The following DHDDS variants were observed in gnomAD, a reference collection of about 807,000 sequenced individuals.
DHDDS encodes dehydrodolichyl diphosphate synthase subunit.
A neutral mutation model predicts 46.2 loss-of-function variants in DHDDS; 16 were observed. That is an observed-to-expected ratio of 0.35 (90% confidence interval 0.23 to 0.53). The LOEUF is 0.53. Among genes scored for constraint, DHDDS ranks in the 20% least tolerant of loss-of-function variants. The pLI is 0.94. For synonymous variants in DHDDS, 151 were observed against 163.1 expected, an observed-to-expected ratio of 0.93 and a Z score of 0.56; for missense variants, 340 against 423.7, an observed-to-expected ratio of 0.80 and a Z score of 1.73.
chr1:26,447,401 A>G (rs2075279659), intron 5 of DHDDS, among the ~76,000 whole-genome samples, 158 bp from the exon 6 acceptor site: 1 of 152,344 alleles, frequency 6.6e-6, no homozygotes, highest in African/African-American at 2.4e-5. Flanking sequence ...GGAAACCACA[A>G]AAAACTCATA....
intron 6 of DHDDS, among the ~76,000 whole-genome samples, chr1:26,450,808 CA>C (rs2075311885): frequency 6.6e-6 from 1 of 152,068 alleles, no homozygotes; most frequent in African/African-American, 2.4e-5. Context: ...AGCATGTTTT[CA>C]ATAAAATTCT....
Position 26,469,958 on chromosome 1 carries a change from C to G in DHDDS, c.*827C>G, listed in dbSNP as rs1177539873. On this transcript the variant is annotated 3_prime_UTR_variant, in exon 9 of 9. Transcript: ENST00000236342. ...TCCCCTGTAACACAACAGGACTGAG[C>G]AGAACCAAACACTTCTTCCAACTGA... The G allele has an allele frequency of 6.6e-6, 1 of 152,466 alleles. No individual in the cohort carries two copies. The highest frequency in any genetic ancestry group is 1.5e-5 in the Non-Finnish European group (1 of 68,248). 9.4% of individuals were successfully genotyped at this position (152,466 alleles called of 1,614,324 possible). A position where few individuals can be genotyped will look rare whatever the true frequency, so the allele number is the denominator to read the frequency against.
At chr1:26,446,161 G>A (rs183923421) in intron 4 of DHDDS, among the ~76,000 whole-genome samples, 155 bp from the exon 5 acceptor site, 32 of 152,334 alleles carry the variant, frequency 2.1e-4, no homozygotes, top group Non-Finnish European at 3.8e-4. Flanking sequence ...TTCTTTCAGA[G>A]TTGTTGAAGG....
intron 2 of DHDDS, among the ~76,000 whole-genome samples, chr1:26,436,495 C>T (rs2075158090): frequency 6.6e-6 from 1 of 152,058 alleles, no homozygotes; most frequent in East Asian, 1.9e-4. Flanking sequence ...GCCATCTCGG[C>T]TTACTGCAAG....
rs1470680563 is a variant in DHDDS, at chr1:26,432,994, G to A, written c.49G>A (p.Ala17Thr). 1.9e-6 allele frequency: 3 copies of A among 1,614,206 alleles called. No individual in the cohort carries two copies. The highest frequency in any genetic ancestry group is 2.7e-5 in the African/African-American group (2 of 75,052). Residue 17 changes from alanine (A) to threonine (T), a missense_variant, in exon 2 of 9, where the codon GCC (alanine) becomes ACC (threonine). Transcript: ENST00000236342. ...GELSLWERFC[A>T]NIIKAGPMPK... ...GCTGTCACTTTGGGAGCGGTTCTGT[G>A]CCAACATCATAAAGGTGAGCAATGG...
At chr1:26,468,801 C>A in intron 8 of DHDDS, 94 bp from the exon 9 acceptor site, 4 of 1,068,804 alleles carry the variant, frequency 3.7e-6, no homozygotes, top group South Asian at 1.5e-5. Flanking sequence ...CTTCACTTGG[C>A]CCACCCTGTG....
chr1:26,436,895 G>T (rs2075163706), intron 2 of DHDDS, among the ~76,000 whole-genome samples: 1 of 152,094 alleles, frequency 6.6e-6, no homozygotes, highest in Non-Finnish European at 1.5e-5. Flanking sequence ...ACTGGGCCGG[G>T]CGTGCTGGCT....
intron 6 of DHDDS, among the ~76,000 whole-genome samples, chr1:26,453,371 TTGAC>T (rs2075340052): frequency 1.3e-5 from 2 of 152,240 alleles, no homozygotes; most frequent in South Asian, 2.1e-4. Flanking sequence ...AATTAAATCT[TTGAC>T]TGAACTTGCC....
chr1:26,443,371 T>G (rs754338445), intron 4 of DHDDS, among the ~76,000 whole-genome samples: 11 of 152,174 alleles, frequency 7.2e-5, no homozygotes, highest in Non-Finnish European at 1.2e-4. Flanking sequence ...CAGTGAACCC[T>G]AAAAAGTTAC....
intron 6 of DHDDS, chr1:26,454,751 A>G (rs1447365553): frequency 2.8e-5 from 44 of 1,588,758 alleles, no homozygotes; most frequent in South Asian, 1.5e-4. Flanking sequence ...GATCATCTCA[A>G]TGTGGCAGGG....
At position 26,463,370 on chromosome 1, in the gene DHDDS, G is replaced by C. The variant is rs1398761573; in HGVS notation, c.765+3226G>C. 4 of 152,244 alleles carry C rather than the reference G, an allele frequency of 2.6e-5. No homozygotes were observed. The East Asian group carries it at 7.7e-4, about 29-fold the overall frequency. 9.4% of individuals were successfully genotyped at this position (152,244 alleles called of 1,614,324 possible). A position where few individuals can be genotyped will look rare whatever the true frequency, so the allele number is the denominator to read the frequency against. The stretch of plus-strand genomic sequence containing the variant: ...CTCCCCAGAGAAAGGAATTAATTCA[G>C]CTTACCTGAACACAGTTCTCTGCTA... On this transcript the variant is annotated intron_variant, in intron 8 of 8. Coordinates refer to ENST00000236342, the MANE Select transcript of DHDDS (RefSeq NM_205861.3).
chr1:26,467,819 G>C (rs188377038), intron 8 of DHDDS, among the ~76,000 whole-genome samples: 1 of 152,358 alleles, frequency 6.6e-6, no homozygotes, highest in Admixed American at 6.5e-5. Context: ...TAGTGCAAAG[G>C]CTTTGCAGGT....
chr1:26,449,142 A>G (rs913395717), intron 6 of DHDDS, among the ~76,000 whole-genome samples: 2 of 151,620 alleles, frequency 1.3e-5, no homozygotes, highest in African/African-American at 4.9e-5. Flanking sequence ...CTCTGTCTCC[A>G]GGCTGGAGTG....
chr1:26,465,901 T>G (rs1227493026), intron 8 of DHDDS, among the ~76,000 whole-genome samples: 2 of 152,194 alleles, frequency 1.3e-5, no homozygotes, highest in African/African-American at 4.8e-5. Context: ...GGCTGGCTGG[T>G]TGCAGCTTGG....
intron 5 of DHDDS, 54 bp downstream of exon 5, chr1:26,446,486 G>T: frequency 6.4e-7 from 1 of 1,553,668 alleles, no homozygotes; most frequent in South Asian, 1.1e-5. Flanking sequence ...ATTCCCTGCT[G>T]GCTTTAGGGA....
intron 4 of DHDDS, among the ~76,000 whole-genome samples, chr1:26,445,331 C>T (rs2075258060): frequency 6.6e-6 from 1 of 152,198 alleles, no homozygotes; most frequent in Non-Finnish European, 1.5e-5. Context: ...GAGGAGTTTA[C>T]TCACTTCTCA....
chr1:26,457,001 G>A (rs562202518), intron 6 of DHDDS, among the ~76,000 whole-genome samples: 3 of 152,072 alleles, frequency 2.0e-5, no homozygotes, highest in Admixed American at 2.0e-4. Context: ...CAAATACTGG[G>A]CCATAGGATG....
chr1:26,446,113 T>G (rs1490918199), intron 4 of DHDDS, among the ~76,000 whole-genome samples: 1 of 152,230 alleles, frequency 6.6e-6, no homozygotes, highest in Non-Finnish European at 1.5e-5. Flanking sequence ...GCAGTCCCTA[T>G]CTGACTGTCC....
chr1:26,442,338 C>T (rs2075226762), intron 3 of DHDDS, among the ~76,000 whole-genome samples: 1 of 152,112 alleles, frequency 6.6e-6, no homozygotes, highest in Non-Finnish European at 1.5e-5. Context: ...TCGTTAGCCA[C>T]CTTGTAAGGG....
Sources: allele counts gnomAD v4.1 joint callset (sites outside exome capture counted in the v4.1 genomes callset), GRCh38; gene constraint gnomAD v4.1.1; transcripts MANE v1.5; gene names NCBI Gene and HGNC (gene_info 2026-07-23, HGNC 2026-07-21).